Variants in USH2A observed in about 807,000 individuals in gnomAD.
The protein encoded by USH2A is usherin, also known as Usher syndrome 2A (autosomal recessive, mild).
USH2A carries 443 observed loss-of-function variants against 538.9 expected under a neutral mutation model. That is an observed-to-expected ratio of 0.82 (90% CI 0.76 to 0.89). USH2A has a LOEUF of 0.89. Among genes scored for constraint, USH2A ranks in the 40% least tolerant of loss-of-function variants. The pLI, the probability that USH2A is intolerant of heterozygous loss-of-function variation, is 0.00. For synonymous variants in USH2A, 2,413 were observed against 2,273.5 expected, an observed-to-expected ratio of 1.06 and a Z score of -1.75; for missense variants, 6,633 against 6,324.8, an observed-to-expected ratio of 1.05 and a Z score of -1.65.
Position 216,246,885 on chromosome 1 carries a change from G to A in USH2A, c.2509C>T (p.Arg837Trp), listed in dbSNP as rs142655448. Residue 837 changes from arginine (R) to tryptophan (W), a missense_variant, in exon 13 of 72, where the codon CGG becomes TGG. Physicochemically the swap from Arg to Trp is moderately radical, Grantham distance 101. Transcript: ENST00000307340. ...AGACAGAGGAAAGAATTATTTTGCC[G>A]TAGGTAGAAGTTTCCCTCCAAACAT... is the stretch of plus-strand genomic sequence containing the variant. Reference protein sequence around the residue: ...NKCLEGNFYLRQNNSFLCLPC... With the variant: ...NKCLEGNFYLWQNNSFLCLPC... The A allele has an allele frequency of 1.9e-5, 30 of 1,614,010 alleles. No individual in the cohort carries two copies. Among genetic ancestry groups the A allele is most frequent in the East Asian group, 2.2e-5 (1 of 44,880 alleles).
Position 216,342,850 on chromosome 1 carries a change from G to A in USH2A, c.785-15196C>T, listed in dbSNP as rs566376938. Among the ~76,000 whole-genome samples, 3 of 152,122 alleles carry A rather than the reference G, an allele frequency of 2.0e-5. No homozygotes were observed. In the South Asian group the frequency reaches 6.2e-4, roughly 32 times the overall value. On this transcript the variant is annotated intron_variant, in intron 4 of 71. Transcript: ENST00000307340. ...CAGGGCCTTTCAGGTGTGGGGAGGG[G>A]AGAGAGAGCATCAGGACAAACAGTT...
chr1:216,273,180 T>C lies in USH2A; in HGVS notation c.1971+16100A>G, dbSNP rs1037722117. ...TGATAGTAAAGGGGTGTCGGACTTT[T>C]GAAAGACCTGAAAACTGGAGAACCT... On this transcript the variant is annotated intron_variant, in intron 11 of 71. Coordinates refer to ENST00000307340, the MANE Select transcript of USH2A (RefSeq NM_206933.4). Among the ~76,000 whole-genome samples, 8 of 152,184 alleles carry C rather than the reference T, an allele frequency of 5.3e-5. 1 individual carries two copies. Among genetic ancestry groups the C allele is most frequent in the Non-Finnish European group, 7.4e-5 (5 of 67,988 alleles).
At chr1:215,867,891 C>T (rs1308591381) in intron 43 of USH2A, among the ~76,000 whole-genome samples, 3 of 152,098 alleles carry the variant, frequency 2.0e-5, no homozygotes. Context: ...AGTAAAGCCA[C>T]CATTTTTTTT....
chr1:216,364,848 A>G (rs1242268264), intron 4 of USH2A, 105 bp downstream of exon 4: 1 of 1,437,454 alleles, frequency 7.0e-7, no homozygotes, highest in Non-Finnish European at 9.6e-7. Context: ...CAGTAGCCCT[A>G]GAAGATGAAT....
rs539222375 is a variant in USH2A at position 216,342,445 on chromosome 1, C to T, written c.785-14791G>A. ...ACAGTGTGGTGATTCCCCAAAGACC[C>T]AGAACCAGAAATACTATTTGACCCA... On this transcript the variant is annotated intron_variant, in intron 4 of 71. Transcript: ENST00000307340. Among the ~76,000 whole-genome samples the T allele has an allele frequency of 4.6e-5, 7 of 151,998 alleles. No individual in the cohort carries two copies. The South Asian group carries it at 1.5e-3, about 32-fold the overall frequency.
intron 44 of USH2A, among the ~76,000 whole-genome samples, chr1:215,865,014 C>T (rs1664433508): frequency 6.6e-6 from 1 of 151,972 alleles, no homozygotes; most frequent in Non-Finnish European, 1.5e-5. Context: ...CATGATTTTC[C>T]ACTGCAAAGT....
Position 215,965,339 on chromosome 1 carries a change from A to C in USH2A, c.7098T>G (p.Thr2366=), listed in dbSNP as rs1667313204. The C allele has an allele frequency of 6.2e-7, 1 of 1,613,836 alleles. No homozygotes were observed. The highest frequency in any genetic ancestry group is 8.5e-7 in the Non-Finnish European group (1 of 1,179,788). Residue 2366 remains threonine (T), a synonymous_variant, in exon 37 of 72, where the codon ACT becomes ACG. Transcript: ENST00000307340. ...TACCTGGGTCTACATAGAATATCCC[A>C]GTGAAAAGGACTGAGTGTGTTAAGA... is the stretch of plus-strand genomic sequence containing the variant. ...NGLLTHSVLF[T]GIFYVDPVGN... is the part of the protein sequence containing the mutation.
intron 30 of USH2A, among the ~76,000 whole-genome samples, chr1:216,062,665 T>C (rs1037235159): frequency 3.3e-5 from 5 of 152,172 alleles, no homozygotes; most frequent in African/African-American, 7.2e-5. Context: ...TGTTTTTAAA[T>C]TTGTCTGAGA....
chr1:216,059,613 TGTA>T (rs1368249007), intron 30 of USH2A, among the ~76,000 whole-genome samples: 1 of 152,210 alleles, frequency 6.6e-6, no homozygotes, highest in Non-Finnish European at 1.5e-5. Flanking sequence ...TTCCAAAATA[TGTA>T]GTTGAATGTT....
rs2034954294 is a variant in USH2A, at chr1:216,200,213, A to G, written c.3317-92T>C. The stretch of plus-strand genomic sequence containing the variant: ...TGCTTTCCTATCATATTATTTAATT[A>G]CATAAACTATACCAATCTACTCTTT... On this transcript the variant is annotated intron_variant, in intron 16 of 71. Transcript: ENST00000307340. 2.3e-6 allele frequency: 3 copies of G among 1,303,544 alleles called. No individual in the cohort carries two copies. In the Admixed American group the frequency reaches 6.7e-5, roughly 29 times the overall value. The allele number at this position is 1,303,544 out of a possible 1,614,324, so 80.7% of individuals were successfully genotyped here. A position where few individuals can be genotyped will look rare whatever the true frequency, so the allele number is the denominator to read the frequency against.
At chr1:216,350,369 C>T (rs1202826250) in intron 4 of USH2A, among the ~76,000 whole-genome samples, 1 of 152,112 alleles carries the variant, frequency 6.6e-6, no homozygotes, top group Non-Finnish European at 1.5e-5. Context: ...TTAACTCATT[C>T]CAGCATTAAC....
At chr1:215,851,085 A>G (rs1243087827) in intron 44 of USH2A, among the ~76,000 whole-genome samples, 1 of 152,182 alleles carries the variant, frequency 6.6e-6, no homozygotes, top group African/African-American at 2.4e-5. Context: ...GCCTATATCA[A>G]AAACTCAGAA....
chr1:216,146,909 T>C (rs1482958453), intron 21 of USH2A, among the ~76,000 whole-genome samples: 1 of 152,134 alleles, frequency 6.6e-6, no homozygotes, highest in Non-Finnish European at 1.5e-5. Context: ...TGCCTTATTT[T>C]CTTCTGCAAT....
chr1:216,351,225 A>C (rs887772929), intron 4 of USH2A, among the ~76,000 whole-genome samples: 1 of 152,236 alleles, frequency 6.6e-6, no homozygotes, highest in African/African-American at 2.4e-5. Context: ...TCTATAATAC[A>C]TTAAAGATGC....
chr1:215,993,967 A>C (rs778891341), intron 34 of USH2A, among the ~76,000 whole-genome samples: 17 of 152,150 alleles, frequency 1.1e-4, no homozygotes, highest in Non-Finnish European at 2.4e-4. Context: ...CTGGACAAGC[A>C]CTTCTCCAGG....
At position 216,196,723 on chromosome 1, in the gene USH2A, C is replaced by T. The variant is rs747581764; in HGVS notation, c.4082-1G>A. ...GAAGGAGGGATCATGAATACAGGTG[C>T]TATCAATGAGAACAATAACAATAAC... On this transcript the variant is annotated splice_acceptor_variant, in intron 18 of 71. Transcript: ENST00000307340. LOFTEE classifies it high-confidence loss of function. 1 of 1,612,402 alleles carries T rather than the reference C, an allele frequency of 6.2e-7. No homozygotes were observed. Among genetic ancestry groups the T allele is most frequent in the South Asian group, 1.1e-5 (1 of 91,006 alleles).
chr1:215,763,774 G>A (rs775030562), intron 56 of USH2A, among the ~76,000 whole-genome samples: 1 of 152,114 alleles, frequency 6.6e-6, no homozygotes, highest in African/African-American at 2.4e-5. Context: ...AGGGATCCTA[G>A]TTAGGAGGAT....
intron 46 of USH2A, among the ~76,000 whole-genome samples, chr1:215,840,812 G>T (rs528055593): frequency 7.7e-4 from 117 of 152,192 alleles, no homozygotes; most frequent in African/African-American, 2.7e-3. Context: ...AAGACAATAC[G>T]GCAAATCCTC....
intron 32 of USH2A, among the ~76,000 whole-genome samples, chr1:216,013,634 C>T (rs1210021703): frequency 1.3e-5 from 2 of 152,082 alleles, no homozygotes; most frequent in East Asian, 3.9e-4. Flanking sequence ...CTGGCTCATC[C>T]TGGCTCAAAA....
Sources: gnomAD v4.1 joint callset for allele counts (sites outside exome capture counted in the v4.1 genomes callset) on GRCh38, gnomAD v4.1.1 for gene constraint, MANE v1.5 for transcripts, NCBI Gene and HGNC (gene_info 2026-07-23, HGNC 2026-07-21) for gene names.